The following XRCC4 variants were observed in gnomAD, a reference collection of about 807,000 sequenced individuals.
XRCC4 encodes X-ray repair cross complementing 4.
In XRCC4, 28 loss-of-function variants were observed where a neutral mutation model predicts 39.1. The ratio of observed to expected loss-of-function variants is 0.72; its 90% CI spans 0.53 to 0.98. The LOEUF (loss-of-function observed/expected upper bound fraction) is 0.98. Among genes scored for constraint, XRCC4 ranks in the 50% least tolerant of loss-of-function variants. XRCC4 has a pLI of 0.00. For synonymous variants in XRCC4, 123 were observed against 126.4 expected, an observed-to-expected ratio of 0.97 and a Z score of 0.18; for missense variants, 350 against 376.4, an observed-to-expected ratio of 0.93 and a Z score of 0.58.
chr5:83,276,887 A>G (rs1477415335), intron 7 of XRCC4, among the ~76,000 whole-genome samples: 2 of 151,998 alleles, frequency 1.3e-5, no homozygotes, highest in Admixed American at 6.6e-5. Context: ...TCTTGTTATA[A>G]TTTGTTGCTT....
intron 3 of XRCC4, among the ~76,000 whole-genome samples, chr5:83,186,500 G>A (rs771871391): frequency 1.7e-4 from 26 of 152,032 alleles, no homozygotes; most frequent in Non-Finnish European, 3.2e-4. Flanking sequence ...TCTCTTGTAA[G>A]GACCATTGTG....
At chr5:83,219,383 A>G (rs1259907450) in intron 6 of XRCC4, among the ~76,000 whole-genome samples, 5 of 152,120 alleles carry the variant, frequency 3.3e-5, no homozygotes, top group Non-Finnish European at 5.9e-5. Context: ...CCAAATCAAG[A>G]TGTTGGCTGG....
intron 3 of XRCC4, among the ~76,000 whole-genome samples, chr5:83,146,372 A>G (rs2112537474): frequency 6.6e-6 from 1 of 152,312 alleles, no homozygotes; most frequent in Non-Finnish European, 1.5e-5. Flanking sequence ...CAGGTCATGC[A>G]TTGGCAAATG....
intron 7 of XRCC4, among the ~76,000 whole-genome samples, chr5:83,318,110 A>AT (rs1376058681): frequency 6.8e-6 from 1 of 146,010 alleles, no homozygotes; most frequent in Non-Finnish European, 1.5e-5. Flanking sequence ...AAACCACATG[A>AT]TTATCTCAAT....
At chr5:83,115,697 T>C (rs1209418171) in intron 3 of XRCC4, among the ~76,000 whole-genome samples, 1 of 152,240 alleles carries the variant, frequency 6.6e-6, no homozygotes, top group East Asian at 1.9e-4. Flanking sequence ...CATCTTGAAC[T>C]ACAGGTACTA....
Position 83,320,300 on chromosome 5 carries a change from A to G in XRCC4, c.894-32831A>G, listed in dbSNP as rs749112679. Among the ~76,000 whole-genome samples the G allele has an allele frequency of 3.9e-4, 59 of 150,184 alleles. 1 individual carries two copies. Among genetic ancestry groups the G allele is most frequent in the African/African-American group, 1.3e-3 (54 of 40,938 alleles). On this transcript the variant is annotated intron_variant, in intron 7 of 7. Coordinates refer to ENST00000396027, the MANE Select transcript of XRCC4 (RefSeq NM_003401.5). ...TGCAGCGCACCAGCATGGCACATGT[A>G]TACATATGTAACTAACCTGCACAAT...
intron 6 of XRCC4, among the ~76,000 whole-genome samples, chr5:83,212,327 A>T (rs1313219910): frequency 6.6e-6 from 1 of 152,174 alleles, no homozygotes; most frequent in Non-Finnish European, 1.5e-5. Context: ...GAAAGTTACT[A>T]TAGCAGTTGA....
At chr5:83,330,427 G>A (rs1396837910) in intron 7 of XRCC4, among the ~76,000 whole-genome samples, 4 of 151,964 alleles carry the variant, frequency 2.6e-5, no homozygotes, top group Non-Finnish European at 2.9e-5. Flanking sequence ...TTAATGGTGA[G>A]TATAAGAAGA....
At chr5:83,120,731 A>G (rs966273540) in intron 3 of XRCC4, among the ~76,000 whole-genome samples, 6 of 152,358 alleles carry the variant, frequency 3.9e-5, no homozygotes, top group South Asian at 4.1e-4. Flanking sequence ...TAAAGCAGCT[A>G]TATACATTCA....
Position 83,165,015 on chromosome 5 carries a change from A to G in XRCC4, c.316-30755A>G, listed in dbSNP as rs189148557. On this transcript the variant is annotated intron_variant, in intron 3 of 7. Coordinates refer to ENST00000396027, the MANE Select transcript of XRCC4 (RefSeq NM_003401.5). ...CTCTTCAAGCTTCTAATAATGTTAA[A>G]TGTTAAAGAAACAATTATCTGTTTA... Among the ~76,000 whole-genome samples the G allele has an allele frequency of 4.9e-3, 740 of 152,106 alleles. 7 individuals are homozygous for G. Among genetic ancestry groups the G allele is most frequent in the African/African-American group, 0.017 (708 of 41,572 alleles).
intron 7 of XRCC4, among the ~76,000 whole-genome samples, chr5:83,304,594 T>G (rs1755412790): frequency 6.6e-6 from 1 of 152,222 alleles, no homozygotes; most frequent in African/African-American, 2.4e-5. Flanking sequence ...CTGTGATTAT[T>G]ACTTTAGTTA....
chr5:83,089,250 A>G (rs1442428131), intron 1 of XRCC4, among the ~76,000 whole-genome samples: 1 of 152,242 alleles, frequency 6.6e-6, no homozygotes. Flanking sequence ...TAGAATTCTG[A>G]AACTATCAAA....
intron 3 of XRCC4, among the ~76,000 whole-genome samples, chr5:83,149,449 ATAAT>A (rs1186897241): frequency 6.8e-6 from 1 of 147,370 alleles, no homozygotes; most frequent in African/African-American, 2.6e-5. Flanking sequence ...TAATAGGATA[ATAAT>A]TAAAGGCAGC....
chr5:83,211,230 C>T (rs987986772), intron 6 of XRCC4, among the ~76,000 whole-genome samples: 7 of 152,206 alleles, frequency 4.6e-5, no homozygotes, highest in African/African-American at 1.4e-4. Flanking sequence ...CTATCACTGC[C>T]TGCCCACATT....
rs59416363 is a variant in XRCC4 at position 83,217,358 on chromosome 5, CA to C, written c.745+12456del. Among the ~76,000 whole-genome samples, 57 of 96,142 alleles carry C rather than the reference CA, an allele frequency of 5.9e-4. 1 individual carries two copies. Among genetic ancestry groups the C allele is most frequent in the Non-Finnish European group, 6.3e-4 (32 of 50,980 alleles). The allele number at this position is 96,142 out of a possible 152,430, so 63.1% of individuals were successfully genotyped here. ...GGCAGCGCAGAGCAAGACTCCGTCTCAAAAAAAAAAAAAAAAAAACCATTGC... is the reference window on the plus strand; with the variant it reads ...GGCAGCGCAGAGCAAGACTCCGTCTCAAAAAAAAAAAAAAAAAACCATTGC... On this transcript the variant is annotated intron_variant, in intron 6 of 7. Coordinates refer to ENST00000396027, the MANE Select transcript of XRCC4 (RefSeq NM_003401.5).
the XRCC4 span, among the ~76,000 whole-genome samples, chr5:83,373,248 G>A: frequency 6.6e-6 from 1 of 152,036 alleles, no homozygotes; most frequent in Non-Finnish European, 1.5e-5. Context: ...GGCTCCCTGT[G>A]CACCCTCATT....
intron 6 of XRCC4, among the ~76,000 whole-genome samples, chr5:83,212,647 G>T (rs913350101): frequency 1.3e-5 from 2 of 152,120 alleles, no homozygotes; most frequent in African/African-American, 4.8e-5. Context: ...CAAAAGATAG[G>T]CTGGGCATGG....
chr5:83,114,874 T>C (rs1446375694), intron 3 of XRCC4, among the ~76,000 whole-genome samples: 1 of 151,946 alleles, frequency 6.6e-6, no homozygotes, highest in East Asian at 1.9e-4. Flanking sequence ...CGAGGCTGGG[T>C]AGTTTATAAA....
At chr5:83,356,459 A>G (rs1468242028), downstream of XRCC4, among the ~76,000 whole-genome samples, 1 of 152,204 alleles carries the variant, frequency 6.6e-6, no homozygotes, top group African/African-American at 2.4e-5. Flanking sequence ...TATAAAGGTC[A>G]TAATATTTAG....
Sources: gnomAD v4.1 joint callset for allele counts (sites outside exome capture counted in the v4.1 genomes callset) on GRCh38, gnomAD v4.1.1 for gene constraint, MANE v1.5 for transcripts, NCBI Gene and HGNC (gene_info 2026-07-23, HGNC 2026-07-21) for gene names.